Variants in HSPG2 observed in about 807,000 individuals in gnomAD.
HSPG2 encodes heparan sulfate proteoglycan 2.
HSPG2 carries 278 observed loss-of-function variants against 526.6 expected under a neutral mutation model. That is an observed-to-expected ratio of 0.53 (90% confidence interval 0.48 to 0.58). The LOEUF is 0.58. Ranked by LOEUF, HSPG2 falls within the 20% of genes least tolerant of loss-of-function variation. HSPG2 has a pLI of 0.00. For missense variants in HSPG2, 5,354 were observed against 6,099.5 expected, an observed-to-expected ratio of 0.88 and a Z score of 4.07; for synonymous variants, 2,465 against 2,555.4, an observed-to-expected ratio of 0.96 and a Z score of 1.07.
At chr1:21,899,335 G>T (rs948836161) in intron 1 of HSPG2, among the ~76,000 whole-genome samples, 3 of 152,182 alleles carry the variant, frequency 2.0e-5, no homozygotes, top group African/African-American at 7.2e-5. Flanking sequence ...CTTGGGACTT[G>T]ACCATAGAAG....
Position 21,839,161 on chromosome 1 carries a change from C to T in HSPG2, c.9890-76G>A. 6.5e-7 allele frequency: 1 copy of T among 1,530,042 alleles called. No homozygotes were observed. Among genetic ancestry groups the T allele is most frequent in the Non-Finnish European group, 8.8e-7 (1 of 1,131,656 alleles). The allele number at this position is 1,530,042 out of a possible 1,614,324, so 94.8% of individuals were successfully genotyped here. ...GGCAGCAGGTCGTTGGATCCAGTGTCCAGGGAAGCTGAATGGTGAGCCCAG... is the reference window on the plus strand; with the variant it reads ...GGCAGCAGGTCGTTGGATCCAGTGTTCAGGGAAGCTGAATGGTGAGCCCAG... On this transcript the variant is annotated intron_variant, in intron 73 of 96. Transcript: ENST00000374695. This position sits in a 1 kb window ranked among gnomAD's most constrained non-coding sequence, Gnocchi z 4.5.
At chr1:21,899,078 A>G (rs1642945583) in intron 1 of HSPG2, among the ~76,000 whole-genome samples, 1 of 151,842 alleles carries the variant, frequency 6.6e-6, no homozygotes, top group Non-Finnish European at 1.5e-5. Flanking sequence ...AGTGCCCCAC[A>G]CTCCACCAGA....
At chr1:21,878,772 G>T in intron 18 of HSPG2, 109 bp from the exon 19 acceptor site, 1 of 1,244,684 alleles carries the variant, frequency 8.0e-7, no homozygotes, top group Non-Finnish European at 1.2e-6. Context: ...CACGAGGCAT[G>T]ACGCCATCTC....
chr1:21,884,523 C>A lies in HSPG2; in HGVS notation c.1654+5G>T. On this transcript the variant is annotated splice_donor_5th_base_variant and intron_variant, in intron 13 of 96. Coordinates refer to ENST00000374695, the MANE Select transcript of HSPG2 (RefSeq NM_005529.7). ...CCCGCAGCGCTCACCCGCCCGCCAA[C>A]GCACCCTTGAAGTCATCGGGTTGGT... 6.2e-7 allele frequency: 1 copy of A among 1,611,106 alleles called. No homozygotes were observed. The highest frequency in any genetic ancestry group is 1.1e-5 in the South Asian group (1 of 90,996).
chr1:21,870,848 G>T, intron 33 of HSPG2: 2 of 986,220 alleles, frequency 2.0e-6, no homozygotes, highest in Non-Finnish European at 2.4e-6. Context: ...TGAGCCCGGC[G>T]CATCCGCGCA....
intron 80 of HSPG2, 40 bp from the exon 81 acceptor site, chr1:21,832,646 A>G: frequency 6.6e-7 from 1 of 1,512,320 alleles, no homozygotes; most frequent in Non-Finnish European, 9.2e-7. Context: ...CCTTCCAGCC[A>G]CAGGCTCCCT....
intron 50 of HSPG2, chr1:21,853,518 CG>C: frequency 5.4e-6 from 1 of 185,508 alleles, no homozygotes; most frequent in Non-Finnish European, 1.1e-5. Flanking sequence ...CTGAGACGGT[CG>C]GATCACGAGG....
intron 37 of HSPG2, among the ~76,000 whole-genome samples, chr1:21,862,957 G>A (rs1317966813): frequency 6.6e-6 from 1 of 150,578 alleles, no homozygotes; most frequent in Non-Finnish European, 1.5e-5. Context: ...CTACTCCAGA[G>A]GCTGAGGCAG....
rs1640200487 is a variant in HSPG2 at position 21,865,961 on chromosome 1, T to C, written c.4222-152A>G. The C allele has an allele frequency of 9.0e-6, 6 of 664,048 alleles. No homozygotes were observed. Among genetic ancestry groups the C allele is most frequent in the East Asian group, 2.8e-5 (1 of 35,262 alleles). 41.1% of individuals were successfully genotyped at this position (664,048 alleles called of 1,614,324 possible). A position where few individuals can be genotyped will look rare whatever the true frequency, so the allele number is the denominator to read the frequency against. ...GCCCAAACCAAGAGGCCAGGGTGCATGGTTGCCTGGGAAACAGGACATTTC... is the reference window on the plus strand; with the variant it reads ...GCCCAAACCAAGAGGCCAGGGTGCACGGTTGCCTGGGAAACAGGACATTTC... On this transcript the variant is annotated intron_variant, in intron 33 of 96. Coordinates refer to ENST00000374695, the MANE Select transcript of HSPG2 (RefSeq NM_005529.7). The surrounding 1 kb of genome is among the most constrained non-coding windows in gnomAD (Gnocchi z 5.4).
Position 21,851,512 on chromosome 1 carries a change from CTCT to C in HSPG2, c.7158+31_7158+33del, listed in dbSNP as rs750640892. ...CCTCCGCCACCCAGGGACCCGCTTC[CTCT>C]TCTTGGCCTGTCTGTCCTCCAGTCC... On this transcript the variant is annotated intron_variant, in intron 55 of 96. Transcript: ENST00000374695. 1.4e-5 allele frequency: 22 copies of C among 1,612,826 alleles called. No individual in the cohort carries two copies. In the African/African-American group the frequency reaches 2.7e-4, roughly 20 times the overall value.
chr1:21,927,962 G>A (rs1452422974), intron 1 of HSPG2, among the ~76,000 whole-genome samples: 4 of 152,202 alleles, frequency 2.6e-5, no homozygotes, highest in African/African-American at 7.2e-5. Flanking sequence ...ATATTCCACC[G>A]GCCTTGTCTT....
chr1:21,905,261 CCACA>C (rs112940334), intron 1 of HSPG2, among the ~76,000 whole-genome samples: 41,950 of 145,970 alleles, frequency 0.29, 6,391 homozygotes, highest in Admixed American at 0.39. Flanking sequence ...CCACACACAC[CCACA>C]CACACACACA....
Position 21,865,289 on chromosome 1 carries a change from C to T in HSPG2, c.4391G>A (p.Arg1464Gln), listed in dbSNP as rs757410321. 180 of 1,613,878 alleles carry T rather than the reference C, an allele frequency of 1.1e-4. No homozygotes were observed. Among genetic ancestry groups the T allele is most frequent in the East Asian group, 3.3e-4 (15 of 44,892 alleles). The change falls in exon 35 of 97, where the codon CGA (arginine) becomes CAA (glutamine). Residue 1464 changes from arginine to glutamine, a missense_variant. Coordinates refer to ENST00000374695, the MANE Select transcript of HSPG2 (RefSeq NM_005529.7). The surrounding 1 kb of genome is among the most constrained non-coding windows in gnomAD (Gnocchi z 5.4). ...GCATGGCCAGGTGCCCCTTACCTCT[C>T]GGAACATGATCTCGTAGCTCCTCCT... Reference protein sequence around the residue: ...PERRSYEIMFREEFWRRPDGQ... With the variant: ...PERRSYEIMFQEEFWRRPDGQ...
At chr1:21,827,526 T>C (rs1020807027) in intron 91 of HSPG2, among the ~76,000 whole-genome samples, 1 of 152,218 alleles carries the variant, frequency 6.6e-6, no homozygotes, top group Non-Finnish European at 1.5e-5. Flanking sequence ...AGCTTTTCAG[T>C]AGACGGTGGA....
chr1:21,896,457 G>A, intron 1 of HSPG2, 147 bp from the exon 2 acceptor site: 1 of 984,186 alleles, frequency 1.0e-6, no homozygotes, highest in Non-Finnish European at 1.6e-6. Context: ...AGTGAGCCAG[G>A]CTGGGGCTGA....
Position 21,828,766 on chromosome 1 carries a change from G to C in HSPG2, c.12237+69C>G. ...GGAGGGGCCCAATGCCAAGGTGCTT[G>C]GAGAGCCGAGGGGGACACAAGGCTT... On this transcript the variant is annotated intron_variant, in intron 88 of 96. Transcript: ENST00000374695. The surrounding 1 kb of genome is among the most constrained non-coding windows in gnomAD (Gnocchi z 6.0). 6.5e-7 allele frequency: 1 copy of C among 1,547,166 alleles called. No individual in the cohort carries two copies. Among genetic ancestry groups the C allele is most frequent in the Non-Finnish European group, 8.7e-7 (1 of 1,145,868 alleles).
chr1:21,897,535 A>G (rs1488154676), intron 1 of HSPG2, among the ~76,000 whole-genome samples: 2 of 152,210 alleles, frequency 1.3e-5, no homozygotes, highest in Non-Finnish European at 2.9e-5. Context: ...TTTGTTTCTC[A>G]GGCGAACTCC....
chr1:21,901,593 C>T (rs944973198), intron 1 of HSPG2, among the ~76,000 whole-genome samples: 9 of 152,094 alleles, frequency 5.9e-5, no homozygotes, highest in African/African-American at 2.2e-4. Context: ...TGTTCACATG[C>T]CTTCAGCAGC....
In HSPG2 at chr1:21,881,408, G is replaced by A. The variant is rs1243312780; in HGVS notation, c.1749C>T (p.Val583=). 1.2e-6 allele frequency: 2 copies of A among 1,614,116 alleles called. No individual in the cohort carries two copies. Among genetic ancestry groups the A allele is most frequent in the Non-Finnish European group, 1.7e-6 (2 of 1,180,036 alleles). ...GGACGAGGAAGCGGCGGGACAGGTC[G>A]ACTAGCTGGAACTCGTGCAGGGATG... ...IDPSLHEFQL[V]DLSRRFLVHD... Residue 583 remains valine, a synonymous_variant, in exon 14 of 97, where the codon GTC becomes GTT. Transcript: ENST00000374695.
Sources: allele counts gnomAD v4.1 joint callset (sites outside exome capture counted in the v4.1 genomes callset), GRCh38; gene constraint gnomAD v4.1.1; non-coding constraint Gnocchi (gnomAD v3.1); transcripts MANE v1.5; gene names NCBI Gene and HGNC (gene_info 2026-07-23, HGNC 2026-07-21).